Variants in ARID2 observed in about 807,000 individuals in gnomAD.
ARID2 encodes AT-rich interaction domain 2.
A neutral mutation model predicts 184.6 loss-of-function variants in ARID2; 32 were observed. The ratio of observed to expected loss-of-function variants is 0.17; its 90% CI spans 0.13 to 0.23. The LOEUF (loss-of-function observed/expected upper bound fraction) is 0.23, where lower values mean the gene tolerates loss of function less well. Ranked by LOEUF, ARID2 falls within the 10% of genes least tolerant of loss-of-function variation. The pLI, the probability that ARID2 is intolerant of heterozygous loss-of-function variation, is 1.00. For synonymous variants in ARID2, 836 were observed against 772.6 expected, an observed-to-expected ratio of 1.08 and a Z score of -1.36; for missense variants, 1,696 against 2,197.6, an observed-to-expected ratio of 0.77 and a Z score of 4.56.
At position 45,850,094 on chromosome 12, in the gene ARID2, C is replaced by G. The variant is rs775646301; in HGVS notation, c.1971C>G (p.Asn657Lys). ...GNHFQRTPVA[N>K]QSSNLTATQM... The stretch of plus-strand genomic sequence containing the variant: ...ATTTTCAGAGGACTCCTGTTGCCAA[C>G]CAATCTTCAAATCTGACTGCAACAC... Residue 657 changes from asparagine (N) to lysine (K), a missense_variant, in exon 15 of 21, where the codon AAC becomes AAG. Asn to Lys is a moderately conservative substitution (Grantham distance 94, BLOSUM62 0). Around this residue, in one of 11 missense-constraint regions of ARID2, gnomAD observed 713 missense variants for 824.4 expected, o/e 0.86. Coordinates refer to ENST00000334344, the MANE Select transcript of ARID2 (RefSeq NM_152641.4). The G allele has an allele frequency of 6.2e-7, 1 of 1,613,988 alleles. No individual in the cohort carries two copies. Among genetic ancestry groups the G allele is most frequent in the South Asian group, 1.1e-5 (1 of 91,066 alleles).
chr12:45,755,579 G>T (rs1941552945), intron 3 of ARID2, among the ~76,000 whole-genome samples: 1 of 152,144 alleles, frequency 6.6e-6, no homozygotes, highest in Non-Finnish European at 1.5e-5. Context: ...TAGGAAATTG[G>T]ATAAACTGTT....
At chr12:45,811,375 A>G (rs901516090) in intron 3 of ARID2, 43 bp from the exon 4 acceptor site, 4 of 1,568,156 alleles carry the variant, frequency 2.6e-6, no homozygotes, top group Non-Finnish European at 3.5e-6. Flanking sequence ...AATAAGATAT[A>G]AATCTATTTT....
At chr12:45,787,607 A>T (rs1316219138) in intron 3 of ARID2, among the ~76,000 whole-genome samples, 2 of 152,162 alleles carry the variant, frequency 1.3e-5, no homozygotes, top group African/African-American at 4.8e-5. Flanking sequence ...GTTGATTAAA[A>T]AATAGAAAAT....
chr12:45,776,401 T>G (rs1941981200), intron 3 of ARID2: 1 of 152,294 alleles, frequency 6.6e-6, no homozygotes, highest in Non-Finnish European at 1.5e-5. Context: ...GAAGATAAAC[T>G]GTCCAAATTT....
chr12:45,904,279 C>T (rs139610651), intron 20 of ARID2: 5 of 705,080 alleles, frequency 7.1e-6, no homozygotes, highest in Middle Eastern at 2.3e-4. Context: ...CATGTCATCC[C>T]TTAAAAGCAA....
At chr12:45,745,426 A>G (rs1941336319) in intron 3 of ARID2, among the ~76,000 whole-genome samples, 1 of 152,180 alleles carries the variant, frequency 6.6e-6, no homozygotes, top group African/African-American at 2.4e-5. Context: ...TGAATGATGG[A>G]AGGGAAAAGT....
intron 16 of ARID2, among the ~76,000 whole-genome samples, chr12:45,887,949 A>G (rs1326598853): frequency 6.6e-6 from 1 of 152,210 alleles, no homozygotes; most frequent in Non-Finnish European, 1.5e-5. Context: ...GTACAGAAGA[A>G]AGTTAAAGAA....
intron 4 of ARID2, among the ~76,000 whole-genome samples, chr12:45,815,528 C>T (rs1183077081): frequency 6.6e-6 from 1 of 151,954 alleles, no homozygotes; most frequent in Non-Finnish European, 1.5e-5. Flanking sequence ...AAATGAAATT[C>T]TTTACTTACA....
chr12:45,899,269 T>TA (rs1944412825), intron 20 of ARID2, among the ~76,000 whole-genome samples: 1 of 48,728 alleles, frequency 2.1e-5, no homozygotes, highest in African/African-American at 9.5e-5. Context: ...AGACTCTGTC[T>TA]CAAAAAAAAA....
At chr12:45,823,042 A>G (rs1942927971) in intron 6 of ARID2, among the ~76,000 whole-genome samples, 1 of 152,130 alleles carries the variant, frequency 6.6e-6, no homozygotes, top group African/African-American at 2.4e-5. Context: ...CACATGGAAC[A>G]GTCTCTGGGA....
chr12:45,742,311 A>G (rs1413886660), intron 3 of ARID2, among the ~76,000 whole-genome samples: 1 of 152,210 alleles, frequency 6.6e-6, no homozygotes, highest in African/African-American at 2.4e-5. Context: ...AATATTTAGC[A>G]TTGTATTATA....
Position 45,772,073 on chromosome 12 carries a change from A to G in ARID2, c.285-39345A>G, listed in dbSNP as rs144367105. 8.4e-3 allele frequency among the ~76,000 whole-genome samples: 1,275 copies of G among 152,276 alleles called. 12 individuals carry two copies. The highest frequency in any genetic ancestry group is 0.054 in the South Asian group (258 of 4,820). On this transcript the variant is annotated intron_variant, in intron 3 of 20. Transcript: ENST00000334344. ...TAAGTTAGCATAAATCTGAAGCTGGATCTGATAAGATGTATATGGGAAGCC... is the reference window on the plus strand; with the variant it reads ...TAAGTTAGCATAAATCTGAAGCTGGGTCTGATAAGATGTATATGGGAAGCC...
chr12:45,843,495 T>G (rs1943389445), intron 11 of ARID2, among the ~76,000 whole-genome samples: 1 of 151,806 alleles, frequency 6.6e-6, no homozygotes, highest in South Asian at 2.1e-4. Context: ...GCCTCCTGAG[T>G]AACTGGGACT....
At chr12:45,810,310 A>C (rs1424896745) in intron 3 of ARID2, among the ~76,000 whole-genome samples, 1 of 152,184 alleles carries the variant, frequency 6.6e-6, no homozygotes, top group Non-Finnish European at 1.5e-5. Flanking sequence ...ATTCAATCCT[A>C]GTTAATATTA....
intron 3 of ARID2, among the ~76,000 whole-genome samples, chr12:45,795,234 C>G (rs1942367485): frequency 6.6e-6 from 1 of 152,146 alleles, no homozygotes; most frequent in African/African-American, 2.4e-5. Flanking sequence ...CCATCTAGAA[C>G]ATTGACCCTG....
At chr12:45,800,703 T>C (rs1592084566) in intron 3 of ARID2, among the ~76,000 whole-genome samples, 1 of 151,568 alleles carries the variant, frequency 6.6e-6, no homozygotes, top group East Asian at 1.9e-4. Context: ...GCAGGGAAAA[T>C]ACGAGATAAG....
chr12:45,735,790 G>A (rs1941104475), intron 3 of ARID2, among the ~76,000 whole-genome samples: 1 of 152,152 alleles, frequency 6.6e-6, no homozygotes. Context: ...CATGTTTTTA[G>A]AGCTTAAATT....
chr12:45,829,689 C>G (rs1943072395), intron 6 of ARID2, among the ~76,000 whole-genome samples: 1 of 147,842 alleles, frequency 6.8e-6, no homozygotes, highest in African/African-American at 2.5e-5. Context: ...GTTATCTTGT[C>G]TTTATTTTTG....
chr12:45,831,835 C>A (rs1943128963), intron 6 of ARID2, among the ~76,000 whole-genome samples: 2 of 152,124 alleles, frequency 1.3e-5, no homozygotes, highest in East Asian at 3.8e-4. Context: ...TTGTTAGTTG[C>A]ATACACATTT....
Sources: allele counts gnomAD v4.1 joint callset (sites outside exome capture counted in the v4.1 genomes callset), GRCh38; gene constraint gnomAD v4.1.1; regional missense constraint gnomAD v4.1.1; transcripts MANE v1.5; gene names NCBI Gene and HGNC (gene_info 2026-07-23, HGNC 2026-07-21).